TNRC6B: variants seen among roughly 807,000 people sequenced by gnomAD.
TNRC6B encodes trinucleotide repeat-containing gene 6B protein.
In TNRC6B, 52 loss-of-function variants were observed where a neutral mutation model predicts 203.6. The observed-to-expected ratio is 0.26, with a 90% confidence interval of 0.20 to 0.32. The LOEUF is 0.32. TNRC6B is among the 10% of genes least tolerant of loss of function. TNRC6B has a pLI of 1.00. For synonymous variants in TNRC6B, 838 were observed against 845.7 expected (o/e 0.99, Z 0.16); for missense variants, 1,923 against 2,286.2 (o/e 0.84, Z 3.24).
intron 1 of TNRC6B, among the ~76,000 whole-genome samples, chr22:40,200,116 T>G (rs901186402): frequency 2.0e-5 from 3 of 151,456 alleles, no homozygotes; most frequent in Admixed American, 1.3e-4. Context: ...TTGGTTTTGT[T>G]TTTTGGGAAA....
rs933926934 is a variant in TNRC6B at position 40,325,462 on chromosome 22, T to C, written c.*2221T>C. On this transcript the variant is annotated 3_prime_UTR_variant, in exon 23 of 23. Coordinates refer to ENST00000454349, the MANE Select transcript of TNRC6B (RefSeq NM_001162501.2). ...GGCATGACTCAAGTGAGTGTTCACA[T>C]ATACAAGCCTGCATGAGCCCTCTGT... 4 of 152,554 alleles carry C rather than the reference T, an allele frequency of 2.6e-5. No individual in the cohort carries two copies. Among genetic ancestry groups the C allele is most frequent in the Admixed American group, 6.5e-5 (1 of 15,286 alleles). 9.5% of individuals were successfully genotyped at this position (152,554 alleles called of 1,614,324 possible). A position where few individuals can be genotyped will look rare whatever the true frequency, so the allele number is the denominator to read the frequency against.
chr22:40,295,039 C>CA (rs2070920418), intron 12 of TNRC6B, among the ~76,000 whole-genome samples: 1 of 152,158 alleles, frequency 6.6e-6, no homozygotes, highest in East Asian at 1.9e-4. Flanking sequence ...CTGGGGGGAA[C>CA]TATTACTTGA....
rs1569070909 is a variant in TNRC6B at position 40,323,131 on chromosome 22, T to A, written c.5392T>A (p.Tyr1798Asn). The A allele has an allele frequency of 6.2e-7, 1 of 1,613,648 alleles. No individual in the cohort carries two copies. Among genetic ancestry groups the A allele is most frequent in the Non-Finnish European group, 8.5e-7 (1 of 1,179,750 alleles). The change falls in exon 23 of 23, where the codon TAT becomes AAT. Residue 1798 changes from tyrosine to asparagine, a missense_variant. By Grantham distance (143) the Tyr-to-Asn change is moderately radical. This residue lies in a region of TNRC6B where 126 missense variants were observed against 137.5 expected (regional missense o/e 0.92). Coordinates refer to ENST00000454349, the MANE Select transcript of TNRC6B (RefSeq NM_001162501.2). Reference protein sequence around the residue: ...AGASLWGPPNYSSSLWGVPTV... With the variant: ...AGASLWGPPNNSSSLWGVPTV... ...CGCTTCATTGTGGGGGCCCCCAAAC[T>A]ATTCTTCTAGCTTATGGGGAGTCCC...
intron 1 of TNRC6B, among the ~76,000 whole-genome samples, chr22:40,103,103 A>T (rs34584683): frequency 0.31 from 46,807 of 149,656 alleles, 9,756 homozygotes; most frequent in African/African-American, 0.6. Flanking sequence ...ATAAATAAAT[A>T]AATTAATTAA....
chr22:40,234,687 T>C (rs1294741832), intron 1 of TNRC6B, among the ~76,000 whole-genome samples: 16 of 152,194 alleles, frequency 1.1e-4, no homozygotes, highest in Non-Finnish European at 2.2e-4. Flanking sequence ...GCAGGAGAAA[T>C]TTCTTTATCC....
chr22:40,313,439 A>G (rs2146566966), intron 19 of TNRC6B, among the ~76,000 whole-genome samples: 1 of 152,342 alleles, frequency 6.6e-6, no homozygotes, highest in East Asian at 1.9e-4. Context: ...AAGGAAAAAA[A>G]AAAAAGGACC....
intron 1 of TNRC6B, among the ~76,000 whole-genome samples, chr22:40,214,329 T>C (rs921103950): frequency 7.2e-5 from 11 of 152,024 alleles, no homozygotes; most frequent in African/African-American, 2.7e-4. Context: ...AACCGTTCTC[T>C]CTCTTGACTG....
At chr22:40,115,893 A>G (rs1332022314) in intron 1 of TNRC6B, among the ~76,000 whole-genome samples, 39 of 152,204 alleles carry the variant, frequency 2.6e-4, no homozygotes, top group Admixed American at 2.5e-3. Context: ...CCAGAGGTCA[A>G]ATTTGCTCTT....
chr22:40,153,562 A>C (rs55919797), intron 3 of TNRC6B, among the ~76,000 whole-genome samples: 1 of 149,578 alleles, frequency 6.7e-6, no homozygotes, highest in Non-Finnish European at 1.5e-5. Flanking sequence ...AAAAAAAAAC[A>C]AAAAGAATAA....
At chr22:40,286,091 G>C (rs75980035) in intron 12 of TNRC6B, among the ~76,000 whole-genome samples, 1 of 151,946 alleles carries the variant, frequency 6.6e-6, no homozygotes, top group African/African-American at 2.4e-5. Flanking sequence ...TATATTTTTT[G>C]AAACTGCATA....
chr22:40,181,347 C>T (rs888205568), intron 1 of TNRC6B, among the ~76,000 whole-genome samples: 1 of 152,054 alleles, frequency 6.6e-6, no homozygotes, highest in Non-Finnish European at 1.5e-5. Context: ...GTGGTCCTCA[C>T]CCTACCCAGC....
intron 1 of TNRC6B, among the ~76,000 whole-genome samples, chr22:40,240,160 A>C (rs2070008961): frequency 6.6e-6 from 1 of 152,220 alleles, no homozygotes; most frequent in Non-Finnish European, 1.5e-5. Context: ...TTCAGGTACA[A>C]GTCACTTCTA....
chr22:40,296,188 G>C (rs537315634), intron 12 of TNRC6B, among the ~76,000 whole-genome samples: 1 of 152,214 alleles, frequency 6.6e-6, no homozygotes, highest in East Asian at 1.9e-4. Context: ...CTCCAGGTTT[G>C]CTTCCAAGAA....
intron 1 of TNRC6B, among the ~76,000 whole-genome samples, chr22:40,076,556 A>G (rs2068015401): frequency 1.3e-5 from 2 of 152,080 alleles, no homozygotes; most frequent in African/African-American, 2.4e-5. Flanking sequence ...ATTGTTAAAG[A>G]TCCCTATCTT....
At chr22:40,173,557 C>CT (rs2069024464), upstream of TNRC6B, among the ~76,000 whole-genome samples, 1 of 150,468 alleles carries the variant, frequency 6.6e-6, no homozygotes, top group Admixed American at 6.7e-5. Context: ...GGACCACAGG[C>CT]ATACCCCACC....
intron 1 of TNRC6B, among the ~76,000 whole-genome samples, chr22:40,183,871 T>C (rs2069169014): frequency 6.6e-6 from 1 of 152,104 alleles, no homozygotes; most frequent in Admixed American, 6.5e-5. Flanking sequence ...ATTTTTTGTA[T>C]ATTTTAGTAG....
intron 1 of TNRC6B, among the ~76,000 whole-genome samples, chr22:40,074,945 G>A (rs745458741): frequency 4.6e-5 from 7 of 151,838 alleles, no homozygotes; most frequent in South Asian, 2.1e-4. Flanking sequence ...GCAACAGAGC[G>A]AGACCTTGTC....
rs2071457492 is a variant in TNRC6B at position 40,330,823 on chromosome 22, CTGG to C, written c.*7583_*7585del. ...GTCATTAGGGAAGTCAAAGTTCCTCCTGGAAGTCCCAGGAGCAGCTGTTGAGAT... is the reference window on the plus strand; with the variant it reads ...GTCATTAGGGAAGTCAAAGTTCCTCCAAGTCCCAGGAGCAGCTGTTGAGAT... On this transcript the variant is annotated 3_prime_UTR_variant, in exon 23 of 23. Coordinates refer to ENST00000454349, the MANE Select transcript of TNRC6B (RefSeq NM_001162501.2). The C allele has an allele frequency of 6.6e-6, 1 of 152,570 alleles. No homozygotes were observed. Among genetic ancestry groups the C allele is most frequent in the Non-Finnish European group, 1.5e-5 (1 of 68,042 alleles). 9.5% of individuals were successfully genotyped at this position (152,570 alleles called of 1,614,324 possible).
intron 1 of TNRC6B, among the ~76,000 whole-genome samples, chr22:40,181,009 A>G (rs1388450172): frequency 6.6e-6 from 1 of 152,212 alleles, no homozygotes; most frequent in African/African-American, 2.4e-5. Flanking sequence ...AAAAATTGGT[A>G]GCGTTCATCA....
Sources: allele counts gnomAD v4.1 joint callset (sites outside exome capture counted in the v4.1 genomes callset), GRCh38; gene constraint gnomAD v4.1.1; regional missense constraint gnomAD v4.1.1; transcripts MANE v1.5; gene names NCBI Gene and HGNC (gene_info 2026-07-23, HGNC 2026-07-21).